ZNF804A: variants seen among roughly 807,000 people sequenced by gnomAD.
ZNF804A encodes the protein zinc finger protein 804A.
A neutral mutation model predicts 16.5 loss-of-function variants in ZNF804A; 2 were observed. That is an observed-to-expected ratio of 0.12 (90% CI 0.05 to 0.38). The LOEUF (loss-of-function observed/expected upper bound fraction) is 0.38, where lower values mean the gene tolerates loss of function less well. Among genes scored for constraint, ZNF804A ranks in the 10% least tolerant of loss-of-function variants. The pLI, the probability that ZNF804A is intolerant of heterozygous loss-of-function variation, is 0.99. For missense variants in ZNF804A, 1,473 were observed against 1,390.7 expected, an observed-to-expected ratio of 1.06 and a Z score of -0.94; for synonymous variants, 534 against 489.6, an observed-to-expected ratio of 1.09 and a Z score of -1.20.
At chr2:184,622,655 C>T (rs1029255075) in intron 1 of ZNF804A, among the ~76,000 whole-genome samples, 2 of 151,736 alleles carry the variant, frequency 1.3e-5, no homozygotes, top group African/African-American at 4.8e-5. Context: ...TTTTAAGTTG[C>T]TTTCAGAAAA....
chr2:184,671,858 T>G (rs1692343106), intron 1 of ZNF804A, among the ~76,000 whole-genome samples: 1 of 152,202 alleles, frequency 6.6e-6, no homozygotes, highest in Non-Finnish European at 1.5e-5. Flanking sequence ...ATTCAGATTA[T>G]GAGATTTACC....
At chr2:184,821,654 A>G (rs1229607962) in intron 1 of ZNF804A, among the ~76,000 whole-genome samples, 1 of 152,194 alleles carries the variant, frequency 6.6e-6, no homozygotes, top group African/African-American at 2.4e-5. Flanking sequence ...CACTTTTGCA[A>G]TCTATCCATC....
chr2:184,937,506 T>G lies in ZNF804A; in HGVS notation c.2110T>G (p.Ser704Ala), dbSNP rs757891595. 2.2e-5 allele frequency: 36 copies of G among 1,612,160 alleles called. No homozygotes were observed. The highest frequency in any genetic ancestry group is 3.1e-5 in the Non-Finnish European group (36 of 1,179,348). ...GAACACAATACTTTTAAATGGACAATCAAATGCAACAATGATACATTCTGG... is the reference window on the plus strand; with the variant it reads ...GAACACAATACTTTTAAATGGACAAGCAAATGCAACAATGATACATTCTGG... Reference protein sequence around the residue: ...KKNTILLNGQSNATMIHSGKH... With the variant: ...KKNTILLNGQANATMIHSGKH... The change falls in exon 4 of 4, where the codon TCA (serine) becomes GCA (alanine). Residue 704 changes from serine to alanine, a missense_variant. Ser to Ala is a moderately conservative substitution (Grantham distance 99). Transcript: ENST00000302277.
intron 2 of ZNF804A, among the ~76,000 whole-genome samples, chr2:184,885,813 A>G (rs1307477048): frequency 2.0e-5 from 3 of 152,118 alleles, no homozygotes; most frequent in African/African-American, 4.8e-5. Flanking sequence ...ACCGGGCCCC[A>G]TGATTTAATT....
intron 1 of ZNF804A, among the ~76,000 whole-genome samples, chr2:184,663,512 A>T (rs1293190911): frequency 6.6e-6 from 1 of 152,092 alleles, no homozygotes; most frequent in Non-Finnish European, 1.5e-5. Flanking sequence ...CCTGGGAGCC[A>T]TGGATGATAA....
chr2:184,807,469 A>G lies in ZNF804A; in HGVS notation c.112-58900A>G, dbSNP rs556951440. Among the ~76,000 whole-genome samples, 35 of 151,934 alleles carry G rather than the reference A, an allele frequency of 2.3e-4. No homozygotes were observed. In the South Asian group the frequency reaches 7.0e-3, roughly 31 times the overall value. ...AAGATTTTCTATAAAAATACAATGA[A>G]AAATCATTCTCAGCATGAATAGTGA... is the stretch of plus-strand genomic sequence containing the variant. On this transcript the variant is annotated intron_variant, in intron 1 of 3. Coordinates refer to ENST00000302277, the MANE Select transcript of ZNF804A (RefSeq NM_194250.2).
intron 2 of ZNF804A, among the ~76,000 whole-genome samples, chr2:184,903,975 GA>G (rs1473506271): frequency 6.6e-6 from 1 of 151,842 alleles, no homozygotes; most frequent in African/African-American, 2.4e-5. Flanking sequence ...AAACTCTAAA[GA>G]TTCCCGAAAA....
intron 1 of ZNF804A, among the ~76,000 whole-genome samples, chr2:184,601,477 G>A (rs1014166658): frequency 8.6e-5 from 13 of 151,856 alleles, no homozygotes; most frequent in Non-Finnish European, 1.9e-4. Context: ...ATCTTAGAAG[G>A]TATATATGCC....
chr2:184,622,699 C>T (rs956433744), intron 1 of ZNF804A, among the ~76,000 whole-genome samples: 1 of 151,706 alleles, frequency 6.6e-6, no homozygotes, highest in African/African-American at 2.4e-5. Context: ...AACAATACAA[C>T]AACATTGAAA....
chr2:184,621,272 T>C (rs935301354), intron 1 of ZNF804A, among the ~76,000 whole-genome samples: 2 of 151,716 alleles, frequency 1.3e-5, no homozygotes, highest in Admixed American at 1.3e-4. Context: ...ACTTAGAAAT[T>C]GTAACAAATA....
intron 1 of ZNF804A, among the ~76,000 whole-genome samples, chr2:184,664,527 T>C (rs1016170348): frequency 5.3e-5 from 8 of 152,228 alleles, no homozygotes; most frequent in African/African-American, 1.9e-4. Flanking sequence ...TTCCCATTTC[T>C]TTACTCAAAT....
chr2:184,799,548 G>A (rs568558927), intron 1 of ZNF804A, among the ~76,000 whole-genome samples: 1 of 151,888 alleles, frequency 6.6e-6, no homozygotes, highest in South Asian at 2.1e-4. Context: ...TTGAAACAAG[G>A]TTTCACTCCT....
chr2:184,863,325 T>G (rs560463917), intron 1 of ZNF804A, among the ~76,000 whole-genome samples: 1 of 152,162 alleles, frequency 6.6e-6, no homozygotes, highest in Non-Finnish European at 1.5e-5. Flanking sequence ...CAGGATTAAA[T>G]GAGTTAATAC....
intron 2 of ZNF804A, among the ~76,000 whole-genome samples, chr2:184,919,668 C>G (rs574928388): frequency 6.6e-6 from 1 of 152,190 alleles, no homozygotes; most frequent in Non-Finnish European, 1.5e-5. Context: ...TTCTAACCAT[C>G]CAGCCAACCC....
chr2:184,620,243 A>T (rs879890333), intron 1 of ZNF804A, among the ~76,000 whole-genome samples: 7 of 151,830 alleles, frequency 4.6e-5, no homozygotes, highest in Non-Finnish European at 8.9e-5. Flanking sequence ...TAATTCTTTA[A>T]CATTCCTTCA....
chr2:184,909,701 T>A (rs1685327607), intron 2 of ZNF804A, among the ~76,000 whole-genome samples: 1 of 152,012 alleles, frequency 6.6e-6, no homozygotes, highest in Admixed American at 6.6e-5. Flanking sequence ...TCAAATGAGA[T>A]TTGTATTCAA....
intron 2 of ZNF804A, among the ~76,000 whole-genome samples, chr2:184,887,555 G>A (rs1174451015): frequency 2.6e-5 from 4 of 152,156 alleles, no homozygotes; most frequent in Non-Finnish European, 5.9e-5. Flanking sequence ...AGGTTTAGTT[G>A]GACTTACAGT....
Position 184,626,711 on chromosome 2 carries a change from T to C in ZNF804A, c.111+27641T>C, listed in dbSNP as rs1434441089. On this transcript the variant is annotated intron_variant, in intron 1 of 3. Transcript: ENST00000302277. The stretch of plus-strand genomic sequence containing the variant: ...CTGTGTCTTATTACTAGAATGTTTG[T>C]TTTAAATAAGTACACAATTGTATAA... 2.6e-5 allele frequency among the ~76,000 whole-genome samples: 4 copies of C among 152,182 alleles called. No homozygotes were observed. In the East Asian group the frequency reaches 7.7e-4, roughly 29 times the overall value.
At chr2:184,696,475 C>A (rs1194971637) in intron 1 of ZNF804A, among the ~76,000 whole-genome samples, 2 of 152,048 alleles carry the variant, frequency 1.3e-5, no homozygotes, top group African/African-American at 4.8e-5. Context: ...GCTTATATGG[C>A]TTTTTGGGGT....
Sources: gnomAD v4.1 joint callset for allele counts (sites outside exome capture counted in the v4.1 genomes callset) on GRCh38, gnomAD v4.1.1 for gene constraint, MANE v1.5 for transcripts, NCBI Gene and HGNC (gene_info 2026-07-23, HGNC 2026-07-21) for gene names.